CDH23: variants seen among roughly 807,000 people sequenced by gnomAD.
CDH23 encodes cadherin related 23, also known as cadherin-23.
CDH23 carries 189 observed loss-of-function variants against 317.1 expected under a neutral mutation model. That is an observed-to-expected ratio of 0.60 (90% CI 0.53 to 0.67). CDH23 has a LOEUF of 0.67. Among genes scored for constraint, CDH23 ranks in the 30% least tolerant of loss-of-function variants. The pLI, the probability that CDH23 is intolerant of heterozygous loss-of-function variation, is 0.00. For synonymous variants in CDH23, 1,839 were observed against 1,876.8 expected (o/e 0.98, Z 0.52); for missense variants, 4,401 against 4,592.4 (o/e 0.96, Z 1.20).
At chr10:71,662,127 A>C (rs1431474791) in intron 14 of CDH23, among the ~76,000 whole-genome samples, 1 of 151,692 alleles carries the variant, frequency 6.6e-6, no homozygotes, top group Non-Finnish European at 1.5e-5. Context: ...GGGCTGTAAA[A>C]TTCATCAGGG....
At chr10:71,759,820 T>TATACACAC (rs1554868422) in intron 38 of CDH23, among the ~76,000 whole-genome samples, 17 of 85,374 alleles carry the variant, frequency 2.0e-4, no homozygotes, top group African/African-American at 5.3e-4. Flanking sequence ...TCAGAAAATA[T>TATACACAC]ACACACACAC....
intron 9 of CDH23, among the ~76,000 whole-genome samples, chr10:71,587,673 C>T (rs541900736): frequency 6.6e-6 from 1 of 152,146 alleles, no homozygotes; most frequent in East Asian, 1.9e-4. Flanking sequence ...AGGAGATCCT[C>T]GTAGCTCCCA....
chr10:71,724,071 C>G lies in CDH23; in HGVS notation c.3396C>G (p.Gly1132=). The G allele has an allele frequency of 6.4e-7, 1 of 1,560,288 alleles. No homozygotes were observed. The highest frequency in any genetic ancestry group is 8.7e-7 in the Non-Finnish European group (1 of 1,151,808). Residue 1132 remains glycine, a synonymous_variant, in exon 29 of 70, where the codon GGC becomes GGG. Coordinates refer to ENST00000224721, the MANE Select transcript of CDH23 (RefSeq NM_022124.6). ...LQLKATDADE[G]EFGRVWYRIL... is the part of the protein sequence containing the mutation. ...TGAAAGCCACGGACGCAGATGAGGG[C>G]GAGTTTGGGCGTGTGTGGTACCGCA... is the stretch of plus-strand genomic sequence containing the variant.
intron 9 of CDH23, among the ~76,000 whole-genome samples, chr10:71,588,448 A>G (rs1002599841): frequency 6.6e-6 from 1 of 152,142 alleles, no homozygotes; most frequent in African/African-American, 2.4e-5. Flanking sequence ...ATGAGTTAAT[A>G]CAAGTAAAGC....
At chr10:71,640,730 G>T (rs960327510) in intron 11 of CDH23, among the ~76,000 whole-genome samples, 34 of 152,164 alleles carry the variant, frequency 2.2e-4, no homozygotes, top group Admixed American at 6.5e-4. Context: ...CTCCAGCCTG[G>T]GCGACCAAGC....
chr10:71,523,405 G>T (rs913890455), intron 6 of CDH23, among the ~76,000 whole-genome samples: 7 of 152,086 alleles, frequency 4.6e-5, no homozygotes, highest in African/African-American at 1.4e-4. Flanking sequence ...TCAAACTCGG[G>T]GACTACCAAA....
chr10:71,808,469 AC>A (rs1307685962), intron 60 of CDH23, among the ~76,000 whole-genome samples: 1 of 152,196 alleles, frequency 6.6e-6, no homozygotes, highest in Non-Finnish European at 1.5e-5. Flanking sequence ...TCAGTTGCGC[AC>A]ATCGCCTTCC....
chr10:71,752,839 G>C (rs1335438030), intron 38 of CDH23: 3 of 1,062,888 alleles, frequency 2.8e-6, no homozygotes, highest in Non-Finnish European at 2.7e-6. Context: ...AGATGTGCAG[G>C]CTTCAGCAGC....
chr10:71,798,706 C>G, intron 50 of CDH23, 128 bp downstream of exon 50: 1 of 751,972 alleles, frequency 1.3e-6, no homozygotes, highest in East Asian at 2.7e-5. Context: ...GCCAGCATTC[C>G]ATGCCAGATT....
chr10:71,592,148 T>C (rs1859535744), intron 9 of CDH23, among the ~76,000 whole-genome samples: 1 of 152,066 alleles, frequency 6.6e-6, no homozygotes, highest in South Asian at 2.1e-4. Context: ...TTTCAGGGCA[T>C]CTGTGTTTAC....
At chr10:71,647,720 A>C (rs1290078501) in intron 14 of CDH23, 1 of 152,180 alleles carries the variant, frequency 6.6e-6, no homozygotes, top group Non-Finnish European at 1.5e-5. Context: ...GGGAGGGATC[A>C]CACTCCCCCT....
intron 1 of CDH23, among the ~76,000 whole-genome samples, chr10:71,438,848 C>T (rs1469923907): frequency 1.3e-5 from 2 of 152,176 alleles, no homozygotes; most frequent in Non-Finnish European, 2.9e-5. Flanking sequence ...GCCAGATGCA[C>T]AGTAGGTATG....
At chr10:71,630,615 A>T (rs1054954319) in intron 11 of CDH23, among the ~76,000 whole-genome samples, 5 of 152,204 alleles carry the variant, frequency 3.3e-5, no homozygotes, top group African/African-American at 1.2e-4. Flanking sequence ...TGAGGGCATG[A>T]TGGAATCCGT....
intron 38 of CDH23, among the ~76,000 whole-genome samples, chr10:71,766,675 T>A (rs1840552831): frequency 6.6e-6 from 1 of 152,134 alleles, no homozygotes; most frequent in Non-Finnish European, 1.5e-5. Context: ...TCACATTTAG[T>A]TCTCATAACA....
chr10:71,624,574 C>A (rs1224213437), intron 11 of CDH23, among the ~76,000 whole-genome samples: 1 of 152,138 alleles, frequency 6.6e-6, no homozygotes, highest in African/African-American at 2.4e-5. Flanking sequence ...GTGGCACACA[C>A]CTGTAGTCCC....
chr10:71,716,115 T>C (rs1401811891), intron 28 of CDH23: 4 of 1,547,484 alleles, frequency 2.6e-6, no homozygotes, highest in South Asian at 2.4e-5. Context: ...TGGTGGGGCA[T>C]GCACTCGTGA....
chr10:71,701,938 G>C, intron 22 of CDH23, 84 bp from the exon 23 acceptor site: 2 of 1,448,402 alleles, frequency 1.4e-6, no homozygotes, highest in South Asian at 2.4e-5. Context: ...CAGGACCAAC[G>C]TCTGAGCTCA....
chr10:71,740,663 C>T (rs537648394), intron 36 of CDH23, among the ~76,000 whole-genome samples, 159 bp from the exon 37 acceptor site: 15 of 152,002 alleles, frequency 9.9e-5, no homozygotes, highest in Non-Finnish European at 2.1e-4. Context: ...CAGGGCTGGC[C>T]GGGAGAGCCC....
chr10:71,502,359 T>A (rs1352305978), intron 3 of CDH23, among the ~76,000 whole-genome samples: 1 of 152,210 alleles, frequency 6.6e-6, no homozygotes, highest in East Asian at 1.9e-4. Context: ...GATTCTGAAG[T>A]TGAATGCAGA....
Sources: gnomAD v4.1 joint callset for allele counts (sites outside exome capture counted in the v4.1 genomes callset) on GRCh38, gnomAD v4.1.1 for gene constraint, MANE v1.5 for transcripts, NCBI Gene and HGNC (gene_info 2026-07-23, HGNC 2026-07-21) for gene names.